The following PARM1 variants were observed in gnomAD, a reference collection of about 807,000 sequenced individuals.
The protein encoded by PARM1 is WSC4, cell wall integrity and stress response component 4 homolog.
In PARM1, 14 loss-of-function variants were observed where a neutral mutation model predicts 24.6. That is an observed-to-expected ratio of 0.57 (90% CI 0.38 to 0.89). The LOEUF is 0.89. Among genes scored for constraint, PARM1 ranks in the 40% least tolerant of loss-of-function variants. The pLI is 0.00. For synonymous variants in PARM1, 179 were observed against 156.6 expected, an observed-to-expected ratio of 1.14 and a Z score of -1.07; for missense variants, 362 against 380.4, an observed-to-expected ratio of 0.95 and a Z score of 0.40.
intron 1 of PARM1, among the ~76,000 whole-genome samples, chr4:74,963,333 G>T (rs77586473): frequency 1.3e-5 from 2 of 152,014 alleles, no homozygotes; most frequent in African/African-American, 4.8e-5. Context: ...TTCAACATAC[G>T]ATTCAAACAG....
At chr4:75,044,913 A>G (rs1003848052) in intron 3 of PARM1, among the ~76,000 whole-genome samples, 1 of 152,178 alleles carries the variant, frequency 6.6e-6, no homozygotes, top group Non-Finnish European at 1.5e-5. Context: ...AGATCTCATG[A>G]GACTCATTCA....
chr4:75,011,126 G>T (rs1722861655), intron 1 of PARM1, among the ~76,000 whole-genome samples: 1 of 152,182 alleles, frequency 6.6e-6, no homozygotes, highest in Non-Finnish European at 1.5e-5. Context: ...CAAACCATGA[G>T]GGATCAGTCC....
At chr4:74,983,457 T>C (rs1415575390) in intron 1 of PARM1, among the ~76,000 whole-genome samples, 1 of 152,216 alleles carries the variant, frequency 6.6e-6, no homozygotes, top group Non-Finnish European at 1.5e-5. Context: ...CATAGGATGC[T>C]GGTACAGTGG....
chr4:75,043,845 G>C (rs1404686538), intron 3 of PARM1, among the ~76,000 whole-genome samples: 1 of 152,128 alleles, frequency 6.6e-6, no homozygotes, highest in East Asian at 1.9e-4. Flanking sequence ...AGAAGCAGTG[G>C]TGTTTCTGGG....
At chr4:75,022,506 A>G (rs560509700) in intron 2 of PARM1, among the ~76,000 whole-genome samples, 1 of 152,366 alleles carries the variant, frequency 6.6e-6, no homozygotes, top group East Asian at 1.9e-4. Flanking sequence ...TAGTAGCAAT[A>G]TAACTCTATC....
intron 1 of PARM1, among the ~76,000 whole-genome samples, chr4:74,966,121 A>C (rs1054138344): frequency 6.6e-6 from 1 of 152,222 alleles, no homozygotes; most frequent in African/African-American, 2.4e-5. Context: ...CAAAACTAAA[A>C]TGGTCAATTT....
intron 1 of PARM1, among the ~76,000 whole-genome samples, chr4:74,951,320 T>G (rs1047578058): frequency 3.9e-5 from 6 of 152,190 alleles, no homozygotes; most frequent in Admixed American, 2.6e-4. Context: ...TATAGAGAGA[T>G]AGCAAAAAGT....
At chr4:74,994,792 CA>C (rs1268738241) in intron 1 of PARM1, among the ~76,000 whole-genome samples, 2 of 122,074 alleles carry the variant, frequency 1.6e-5, no homozygotes, top group African/African-American at 6.0e-5. Flanking sequence ...GACTCTGTCT[CA>C]AAAAATATAA....
intron 1 of PARM1, among the ~76,000 whole-genome samples, chr4:74,935,953 TC>T (rs1455354608): frequency 1.3e-5 from 2 of 152,072 alleles, no homozygotes; most frequent in African/African-American, 4.8e-5. Flanking sequence ...CATCTCAACC[TC>T]CTGAGTAGCT....
At chr4:74,981,159 A>G (rs1722246516) in intron 1 of PARM1, among the ~76,000 whole-genome samples, 1 of 152,238 alleles carries the variant, frequency 6.6e-6, no homozygotes, top group Non-Finnish European at 1.5e-5. Context: ...AGAAACTATC[A>G]TCAGAATGAA....
chr4:74,950,745 T>C (rs1721506618), intron 1 of PARM1, among the ~76,000 whole-genome samples: 1 of 152,226 alleles, frequency 6.6e-6, no homozygotes. Context: ...TCAAGTTTTT[T>C]TTATTTGTTT....
intron 2 of PARM1, among the ~76,000 whole-genome samples, chr4:75,029,211 C>G (rs1445378990): frequency 6.6e-6 from 1 of 152,140 alleles, no homozygotes; most frequent in Admixed American, 6.5e-5. Flanking sequence ...AGGAATACCC[C>G]CAAAGGCAGC....
In PARM1 at chr4:75,046,352, C is replaced by T; in HGVS notation, c.*105C>T. On this transcript the variant is annotated 3_prime_UTR_variant, in exon 4 of 4. Transcript: ENST00000307428. ...TGCGCATTGAACGACAATCTTAAGC[C>T]CTGTTTTGTTGGTATGGTTGTTTTT... The T allele has an allele frequency of 1.4e-6, 1 of 733,148 alleles. No homozygotes were observed. Among genetic ancestry groups the T allele is most frequent in the Non-Finnish European group, 2.3e-6 (1 of 431,804 alleles). The allele number at this position is 733,148 out of a possible 1,614,324, so 45.4% of individuals were successfully genotyped here.
At chr4:75,006,363 A>G (rs1030663097) in intron 1 of PARM1, among the ~76,000 whole-genome samples, 9 of 145,706 alleles carry the variant, frequency 6.2e-5, no homozygotes, top group South Asian at 2.2e-4. Flanking sequence ...TGATTGTTCA[A>G]TTCCCACCTA....
intron 3 of PARM1, 102 bp downstream of exon 3, chr4:75,034,063 C>T: frequency 1.1e-6 from 1 of 903,342 alleles, no homozygotes; most frequent in Non-Finnish European, 1.7e-6. Flanking sequence ...GTATCTTAGC[C>T]CTTAGAAATA....
chr4:74,952,723 G>A (rs1212673607), intron 1 of PARM1, among the ~76,000 whole-genome samples: 1 of 152,192 alleles, frequency 6.6e-6, no homozygotes, highest in Admixed American at 6.5e-5. Context: ...GAGAACATAA[G>A]AAGTCAGATG....
intron 1 of PARM1, among the ~76,000 whole-genome samples, chr4:74,939,200 T>C (rs1326220427): frequency 3.3e-5 from 5 of 152,188 alleles, no homozygotes; most frequent in Admixed American, 2.6e-4. Flanking sequence ...TTTTGAAGCC[T>C]GCCTCATGGG....
chr4:74,937,702 A>G lies in PARM1; in HGVS notation c.43+4332A>G, dbSNP rs117704829. On this transcript the variant is annotated intron_variant, in intron 1 of 3. Coordinates refer to ENST00000307428, the MANE Select transcript of PARM1 (RefSeq NM_015393.4). Reference sequence around the variant, plus strand: ...ATTATTTTTATTAATGAAGTGTACTATATGCTGCACTAATTAGGTCATCCT... The same window carrying G: ...ATTATTTTTATTAATGAAGTGTACTGTATGCTGCACTAATTAGGTCATCCT... Among the ~76,000 whole-genome samples, 188 of 152,328 alleles carry G rather than the reference A, an allele frequency of 1.2e-3. 5 individuals are homozygous for G. The East Asian group carries it at 0.027, about 22-fold the overall frequency.
chr4:74,967,506 A>C (rs756077260), intron 1 of PARM1: 2 of 152,216 alleles, frequency 1.3e-5, no homozygotes, highest in Non-Finnish European at 2.9e-5. Context: ...AGAGCACCAA[A>C]GCAGAGGCCT....
Sources: gnomAD v4.1 joint callset for allele counts (sites outside exome capture counted in the v4.1 genomes callset) on GRCh38, gnomAD v4.1.1 for gene constraint, MANE v1.5 for transcripts, NCBI Gene and HGNC (gene_info 2026-07-23, HGNC 2026-07-21) for gene names.